Variants in GRM8 observed in about 807,000 individuals in gnomAD.
GRM8 encodes the protein glutamate metabotropic receptor 8.
GRM8 carries 47 observed loss-of-function variants against 87.2 expected under a neutral mutation model. That is an observed-to-expected ratio of 0.54 (90% CI 0.43 to 0.69). The LOEUF (loss-of-function observed/expected upper bound fraction) is 0.69, where lower values mean the gene tolerates loss of function less well. Ranked by LOEUF, GRM8 falls within the 30% of genes least tolerant of loss-of-function variation. The pLI, the probability that GRM8 is intolerant of heterozygous loss-of-function variation, is 0.00. For synonymous variants in GRM8, 396 were observed against 404.5 expected (o/e 0.98, Z 0.25); for missense variants, 1,019 against 1,139.2 (o/e 0.89, Z 1.52).
intron 9 of GRM8, among the ~76,000 whole-genome samples, chr7:126,513,463 A>G (rs980540996): frequency 6.6e-6 from 1 of 152,168 alleles, no homozygotes; most frequent in Admixed American, 6.6e-5. Context: ...ATATTTCTTA[A>G]ACCAGGACTT....
At chr7:126,696,756 A>G (rs902244439) in intron 7 of GRM8, among the ~76,000 whole-genome samples, 1 of 152,176 alleles carries the variant, frequency 6.6e-6, no homozygotes, top group Non-Finnish European at 1.5e-5. Flanking sequence ...GAGGCTGAAG[A>G]AAAGGAGGCT....
At chr7:126,860,398 G>A (rs1739290689) in intron 6 of GRM8, among the ~76,000 whole-genome samples, 1 of 152,036 alleles carries the variant, frequency 6.6e-6, no homozygotes, top group African/African-American at 2.4e-5. Context: ...TTGGTGGTGA[G>A]TCTGTAAAAT....
intron 7 of GRM8, among the ~76,000 whole-genome samples, chr7:126,739,221 A>G (rs1231806474): frequency 2.0e-5 from 3 of 152,038 alleles, no homozygotes; most frequent in African/African-American, 7.2e-5. Flanking sequence ...TGTTGGCAAC[A>G]TCCTTTTCAA....
intron 6 of GRM8, among the ~76,000 whole-genome samples, chr7:126,818,290 C>T (rs994948049): frequency 1.3e-5 from 2 of 152,002 alleles, no homozygotes; most frequent in Admixed American, 6.6e-5. Context: ...TCTTAGGAAA[C>T]GTAACTTGAG....
At chr7:126,916,773 A>T (rs1803950147) in intron 3 of GRM8, among the ~76,000 whole-genome samples, 1 of 152,218 alleles carries the variant, frequency 6.6e-6, no homozygotes, top group South Asian at 2.1e-4. Context: ...CTTCTGAGCA[A>T]GGGTTGTACA....
At chr7:126,709,264 G>GA (rs753495197) in intron 7 of GRM8, among the ~76,000 whole-genome samples, 197 of 152,152 alleles carry the variant, frequency 1.3e-3, no homozygotes, top group Non-Finnish European at 2.4e-3. Flanking sequence ...TAGCTGCTAT[G>GA]AAAAAGACAA....
intron 6 of GRM8, among the ~76,000 whole-genome samples, chr7:126,857,409 C>A (rs973615123): frequency 2.0e-5 from 3 of 152,180 alleles, no homozygotes; most frequent in African/African-American, 7.2e-5. Flanking sequence ...CCTTAACCCT[C>A]ACAATTGCAG....
intron 3 of GRM8, among the ~76,000 whole-genome samples, chr7:126,905,947 T>G (rs1035163230): frequency 4.6e-5 from 7 of 152,186 alleles, no homozygotes; most frequent in Admixed American, 6.5e-5. Flanking sequence ...CTGGCTGGGT[T>G]TGAAGTTGGA....
intron 7 of GRM8, among the ~76,000 whole-genome samples, chr7:126,628,863 A>T (rs929525295): frequency 6.6e-6 from 1 of 152,100 alleles, no homozygotes; most frequent in Non-Finnish European, 1.5e-5. Flanking sequence ...AATGATAACT[A>T]TGTGTCATAA....
chr7:126,851,226 C>G (rs776190191), intron 6 of GRM8, among the ~76,000 whole-genome samples: 1 of 152,114 alleles, frequency 6.6e-6, no homozygotes, highest in Non-Finnish European at 1.5e-5. Context: ...GCTGCACTTA[C>G]GAAATGTACC....
At chr7:127,025,824 T>C (rs1196627983) in intron 3 of GRM8, among the ~76,000 whole-genome samples, 2 of 152,028 alleles carry the variant, frequency 1.3e-5, no homozygotes, top group Admixed American at 6.6e-5. Context: ...GCTACTTTAA[T>C]TTAACAATTA....
intron 7 of GRM8, among the ~76,000 whole-genome samples, chr7:126,647,930 A>G (rs1803344399): frequency 6.6e-6 from 1 of 152,140 alleles, no homozygotes; most frequent in Admixed American, 6.5e-5. Flanking sequence ...AAATTCTTCA[A>G]TGGTGTGCCA....
chr7:126,851,662 C>T (rs1797226114), intron 6 of GRM8, among the ~76,000 whole-genome samples: 1 of 152,036 alleles, frequency 6.6e-6, no homozygotes, highest in South Asian at 2.1e-4. Context: ...CTTCTCTGCC[C>T]AGAAAATTTC....
chr7:126,506,891 A>G (rs1810561610), intron 9 of GRM8, among the ~76,000 whole-genome samples: 2 of 152,110 alleles, frequency 1.3e-5, no homozygotes, highest in African/African-American at 4.8e-5. Context: ...CTTCCCTTCA[A>G]GGAAATAACA....
chr7:126,834,496 A>C (rs887359147), intron 6 of GRM8, among the ~76,000 whole-genome samples: 1 of 152,216 alleles, frequency 6.6e-6, no homozygotes, highest in Admixed American at 6.5e-5. Context: ...TCCATTTATC[A>C]GTTCCTTTTG....
At chr7:126,828,753 G>A (rs1795066513) in intron 6 of GRM8, among the ~76,000 whole-genome samples, 1 of 152,106 alleles carries the variant, frequency 6.6e-6, no homozygotes, top group African/African-American at 2.4e-5. Flanking sequence ...GCTTTTGAAT[G>A]TGTTTGCTCT....
rs79410463 is a variant in GRM8 at position 126,567,718 on chromosome 7, G to T, written c.1495-33831C>A. On this transcript the variant is annotated intron_variant, in intron 8 of 10. Transcript: ENST00000339582. ...CCCATTACTGATAAGCCTCCGGTTA[G>T]GTAAGAACTTGGTCTCATGTATAAA... 6.2e-3 allele frequency among the ~76,000 whole-genome samples: 939 copies of T among 152,156 alleles called. 39 individuals carry two copies. The East Asian group carries it at 0.097, about 16-fold the overall frequency.
intron 8 of GRM8, among the ~76,000 whole-genome samples, chr7:126,607,667 T>A (rs913070250): frequency 3.9e-5 from 6 of 152,140 alleles, no homozygotes; most frequent in African/African-American, 1.4e-4. Flanking sequence ...TTTAAAAACA[T>A]CCTACTGTCT....
intron 6 of GRM8, among the ~76,000 whole-genome samples, chr7:126,879,501 C>G (rs541574880): frequency 1.2e-4 from 18 of 152,186 alleles, no homozygotes; most frequent in Middle Eastern, 6.8e-3. Flanking sequence ...TTCAGGAAAG[C>G]CATTTAAAAC....
Sources: allele counts gnomAD v4.1 joint callset (sites outside exome capture counted in the v4.1 genomes callset), GRCh38; gene constraint gnomAD v4.1.1; transcripts MANE v1.5; gene names NCBI Gene and HGNC (gene_info 2026-07-23, HGNC 2026-07-21).